The following DCDC2C variants were observed in gnomAD, a reference collection of about 807,000 sequenced individuals.
DCDC2C encodes doublecortin domain-containing protein 2C.
Under a neutral mutation model 45.0 loss-of-function variants are expected in DCDC2C, and 44 were observed. That is an observed-to-expected ratio of 0.98 (90% CI 0.77 to 1.26). The LOEUF is 1.26. Among genes scored for constraint, DCDC2C ranks in the 50% most tolerant of loss-of-function variants. DCDC2C has a pLI of 0.00. For synonymous variants in DCDC2C, 187 were observed against 178.8 expected (o/e 1.05, Z -0.37); for missense variants, 447 against 468.9 (o/e 0.95, Z 0.43).
rs115954504 is a variant in DCDC2C at position 3,758,696 on chromosome 2, C to T, written c.726+4062C>T. Among the ~76,000 whole-genome samples, 864 of 152,206 alleles carry T rather than the reference C, an allele frequency of 5.7e-3. 7 individuals carry two copies. The highest frequency in any genetic ancestry group is 0.02 in the African/African-American group (829 of 41,522). On this transcript the variant is annotated intron_variant, in intron 6 of 10. Coordinates refer to ENST00000399143, the MANE Select transcript of DCDC2C (RefSeq NM_001287444.2). Reference sequence around the variant, plus strand: ...CAAGGGTTTATGATTTCTCTAAGTCCGGTGGGTTGGCTGCACAGGTCTTGG... The same window carrying T: ...CAAGGGTTTATGATTTCTCTAAGTCTGGTGGGTTGGCTGCACAGGTCTTGG...
At chr2:3,752,641 G>A (rs200659650) in intron 4 of DCDC2C, 122 bp from the exon 5 acceptor site, 100 of 1,200,110 alleles carry the variant, frequency 8.3e-5, no homozygotes, top group African/African-American at 1.5e-5. Flanking sequence ...ACGTGCTTAC[G>A]ATGAGCACTG....
intron 3 of DCDC2C, among the ~76,000 whole-genome samples, chr2:3,740,003 C>G (rs1015697806): frequency 2.0e-5 from 3 of 152,244 alleles, no homozygotes; most frequent in Non-Finnish European, 4.4e-5. Context: ...CCATTGCACG[C>G]TCTGCGAGGG....
intron 10 of DCDC2C, among the ~76,000 whole-genome samples, chr2:3,803,655 A>T (rs1671165080): frequency 6.6e-6 from 1 of 152,246 alleles, no homozygotes; most frequent in Non-Finnish European, 1.5e-5. Flanking sequence ...CTAAGCCAGC[A>T]GACACCTTCG....
At position 3,703,606 on chromosome 2, in the gene DCDC2C, C is replaced by T. The variant is rs1233035984; in HGVS notation, c.-146C>T. 6 of 779,202 alleles carry T rather than the reference C, an allele frequency of 7.7e-6. No homozygotes were observed. Among genetic ancestry groups the T allele is most frequent in the Non-Finnish European group, 1.0e-5 (6 of 588,284 alleles). 48.3% of individuals were successfully genotyped at this position (779,202 alleles called of 1,614,324 possible). ...GTCCCGTCCCCGTCCAGCCCCCGTC[C>T]CGTCCCCGTCCCGTCCCCGTCCTGC... is the stretch of plus-strand genomic sequence containing the variant. On this transcript the variant is annotated 5_prime_UTR_variant, in exon 1 of 11. Transcript: ENST00000399143. The surrounding 1 kb of genome is among the most constrained non-coding windows in gnomAD (Gnocchi z 4.4).
intron 4 of DCDC2C, among the ~76,000 whole-genome samples, chr2:3,742,285 A>T (rs183811050): frequency 3.3e-5 from 5 of 152,328 alleles, no homozygotes; most frequent in African/African-American, 7.2e-5. Context: ...AGGGGTGGAG[A>T]ATACAGCATT....
At chr2:3,827,958 T>G (rs1671866574) in intron 10 of DCDC2C, among the ~76,000 whole-genome samples, 1 of 152,134 alleles carries the variant, frequency 6.6e-6, no homozygotes, top group South Asian at 2.1e-4. Context: ...CAGGTGACAA[T>G]TTGCCCCAGA....
chr2:3,748,198 A>G (rs1669430733), intron 4 of DCDC2C, among the ~76,000 whole-genome samples: 1 of 152,048 alleles, frequency 6.6e-6, no homozygotes, highest in African/African-American at 2.4e-5. Context: ...GAGTGTCACC[A>G]CCTGACTCCG....
chr2:3,826,388 A>G (rs1671816283), intron 10 of DCDC2C, among the ~76,000 whole-genome samples: 2 of 152,226 alleles, frequency 1.3e-5, no homozygotes, highest in African/African-American at 4.8e-5. Context: ...CTGGTGTAAC[A>G]TATTAGCCAT....
At position 3,715,576 on chromosome 2, in the gene DCDC2C, T is replaced by TTCCATCCATCCATCCATCCATCCATCCA. The variant is rs59747438; in HGVS notation, c.339+6978_339+7005dup. Among the ~76,000 whole-genome samples the TTCCATCCATCCATCCATCCATCCATCCA allele has an allele frequency of 2.8e-3, 421 of 151,160 alleles. 1 individual carries two copies. The highest frequency in any genetic ancestry group is 4.1e-3 in the East Asian group (21 of 5,156). On this transcript the variant is annotated intron_variant, in intron 2 of 10. Transcript: ENST00000399143. ...TCTGCTCATCACAACATCCTAAACT[T>TTCCATCCATCCATCCATCCATCCATCCA]TCCATCCATCCATCCATCCATCCAT...
At chr2:3,828,536 G>A (rs530444607) in intron 10 of DCDC2C, among the ~76,000 whole-genome samples, 1 of 152,222 alleles carries the variant, frequency 6.6e-6, no homozygotes, top group South Asian at 2.1e-4. Context: ...AAGTCTCTGA[G>A]CCGTTTCTCA....
intron 1 of DCDC2C, among the ~76,000 whole-genome samples, chr2:3,707,208 A>G (rs1324283163): frequency 6.6e-6 from 1 of 152,176 alleles, no homozygotes; most frequent in East Asian, 1.9e-4. Flanking sequence ...TTCTGTTTTT[A>G]TAAGTTCTTG....
intron 3 of DCDC2C, 147 bp downstream of exon 3, chr2:3,727,226 CA>C (rs1668716450): frequency 1.6e-6 from 1 of 628,722 alleles, no homozygotes; most frequent in African/African-American, 1.8e-5. Flanking sequence ...CACTTCCTGA[CA>C]GGTGATTTCT....
At chr2:3,745,371 A>AACAG (rs1443720312) in intron 4 of DCDC2C, among the ~76,000 whole-genome samples, 1 of 152,208 alleles carries the variant, frequency 6.6e-6, no homozygotes, top group Non-Finnish European at 1.5e-5. Context: ...TAAGGAAGGG[A>AACAG]ACAGAATATT....
At chr2:3,800,229 G>A (rs977576717) in intron 10 of DCDC2C, among the ~76,000 whole-genome samples, 20 of 152,252 alleles carry the variant, frequency 1.3e-4, no homozygotes, top group Middle Eastern at 6.8e-3. Context: ...GCTTCAGCTC[G>A]CACACGGTGC....
intron 2 of DCDC2C, among the ~76,000 whole-genome samples, chr2:3,725,685 C>T (rs1349953478): frequency 1.2e-4 from 18 of 146,218 alleles, no homozygotes; most frequent in Admixed American, 2.0e-4. Flanking sequence ...AGGAGGCTGC[C>T]AGGTGGATCC....
chr2:3,731,902 TATGGG>T (rs1668879332), intron 3 of DCDC2C, among the ~76,000 whole-genome samples: 1 of 152,156 alleles, frequency 6.6e-6, no homozygotes, highest in African/African-American at 2.4e-5. Context: ...TGGTTGTGTG[TATGGG>T]ATGTTTCCTG....
intron 10 of DCDC2C, among the ~76,000 whole-genome samples, chr2:3,799,913 G>A (rs1220163140): frequency 2.6e-5 from 4 of 152,250 alleles, no homozygotes; most frequent in Non-Finnish European, 2.9e-5. Context: ...GAGCTTCCCA[G>A]ATGCTTTGTT....
intron 10 of DCDC2C, among the ~76,000 whole-genome samples, chr2:3,808,592 G>A (rs6542654): frequency 0.6 from 90,816 of 151,962 alleles, 27,719 homozygotes; most frequent in East Asian, 0.73. Context: ...GGGTTTCACC[G>A]TGTTGGCCAG....
chr2:3,756,432 A>G, intron 6 of DCDC2C, among the ~76,000 whole-genome samples: 1 of 152,154 alleles, frequency 6.6e-6, no homozygotes, highest in East Asian at 1.9e-4. Context: ...AGTAACTAAC[A>G]GATAGCCCTG....
Sources: gnomAD v4.1 joint callset for allele counts (sites outside exome capture counted in the v4.1 genomes callset) on GRCh38, gnomAD v4.1.1 for gene constraint, Gnocchi (gnomAD v3.1) non-coding constraint, MANE v1.5 for transcripts, NCBI Gene and HGNC (gene_info 2026-07-23, HGNC 2026-07-21) for gene names.